The following PPFIA2 variants were observed in gnomAD, a reference collection of about 807,000 sequenced individuals.
PPFIA2 encodes liprin-alpha-2.
A neutral mutation model predicts 175.5 loss-of-function variants in PPFIA2; 46 were observed. The ratio of observed to expected loss-of-function variants is 0.26; its 90% CI spans 0.21 to 0.34. The LOEUF (loss-of-function observed/expected upper bound fraction) is 0.34. Ranked by LOEUF, PPFIA2 falls within the 10% of genes least tolerant of loss-of-function variation. The probability of loss-of-function intolerance (pLI) is 1.00; values close to 1 mark genes in which losing one functional copy is unlikely to be tolerated. For synonymous variants in PPFIA2, 568 were observed against 511.4 expected (o/e 1.11, Z -1.49); for missense variants, 1,179 against 1,506.1 (o/e 0.78, Z 3.60).
chr12:81,753,902 A>G (rs1597240309), intron 3 of PPFIA2, 71 bp downstream of exon 3: 1 of 1,546,080 alleles, frequency 6.5e-7, no homozygotes, highest in Admixed American at 1.8e-5. Context: ...TAACATTAAG[A>G]ATGGGAGTAA....
chr12:81,369,350 G>T, intron 11 of PPFIA2, 156 bp from the exon 12 acceptor site: 1 of 1,482,046 alleles, frequency 6.7e-7, no homozygotes, highest in Non-Finnish European at 9.0e-7. Context: ...GAACAGCATT[G>T]CTTGAAATGT....
intron 4 of PPFIA2, among the ~76,000 whole-genome samples, chr12:81,553,615 C>A (rs1306284728): frequency 6.6e-6 from 1 of 151,964 alleles, no homozygotes; most frequent in South Asian, 2.1e-4. Flanking sequence ...CAAGACTCTG[C>A]GGAAGAGAGG....
At chr12:81,739,590 TGGTC>T (rs929042454) in intron 3 of PPFIA2, among the ~76,000 whole-genome samples, 3 of 151,994 alleles carry the variant, frequency 2.0e-5, no homozygotes, top group Admixed American at 6.6e-5. Context: ...TAAAAAAACT[TGGTC>T]AATTAATCTA....
At chr12:81,313,756 A>G (rs2051573157) in intron 22 of PPFIA2, among the ~76,000 whole-genome samples, 1 of 152,116 alleles carries the variant, frequency 6.6e-6, no homozygotes, top group East Asian at 1.9e-4. Context: ...GGGACTAGTT[A>G]TCACCATGGA....
intron 4 of PPFIA2, among the ~76,000 whole-genome samples, chr12:81,513,672 T>A (rs970232185): frequency 1.3e-5 from 2 of 152,136 alleles, no homozygotes; most frequent in African/African-American, 4.8e-5. Context: ...GTGTAACAGT[T>A]TACTTTTATT....
chr12:81,347,516 T>C lies in PPFIA2; in HGVS notation c.2232+17A>G. ...ATCTTAACAGGAGGCAAAGGTTCTC[T>C]GGACACATCACCATACCAGTGTCAT... On this transcript the variant is annotated intron_variant, in intron 18 of 32. Transcript: ENST00000549396. 6.4e-7 allele frequency: 1 copy of C among 1,569,868 alleles called. No homozygotes were observed. Among genetic ancestry groups the C allele is most frequent in the Non-Finnish European group, 8.8e-7 (1 of 1,139,932 alleles).
At chr12:81,392,774 C>T (rs1417960145) in intron 8 of PPFIA2, among the ~76,000 whole-genome samples, 2 of 151,946 alleles carry the variant, frequency 1.3e-5, no homozygotes, top group Non-Finnish European at 2.9e-5. Context: ...TCAGAACGTG[C>T]TTCTCCCCCA....
intron 7 of PPFIA2, among the ~76,000 whole-genome samples, chr12:81,425,122 G>C (rs1315379487): frequency 6.6e-6 from 1 of 152,090 alleles, no homozygotes; most frequent in Admixed American, 6.6e-5. Flanking sequence ...CTGTTTTAAA[G>C]GTGATTAGAT....
At chr12:81,676,758 C>T in intron 4 of PPFIA2, 33 bp downstream of exon 4, 2 of 1,487,216 alleles carry the variant, frequency 1.3e-6, no homozygotes, top group Non-Finnish European at 1.8e-6. Context: ...TTCAATTCAT[C>T]AATAGTTAAA....
At chr12:81,456,720 T>C (rs1165935537) in intron 5 of PPFIA2, among the ~76,000 whole-genome samples, 10 of 152,152 alleles carry the variant, frequency 6.6e-5, no homozygotes, top group Non-Finnish European at 1.5e-4. Context: ...ATGTGGTAAT[T>C]TACATGTTTA....
intron 7 of PPFIA2, among the ~76,000 whole-genome samples, chr12:81,407,061 A>G (rs753846905): frequency 6.6e-6 from 1 of 152,208 alleles, no homozygotes; most frequent in Non-Finnish European, 1.5e-5. Context: ...TTTCTCTCGT[A>G]TAACTGTAAA....
intron 3 of PPFIA2, among the ~76,000 whole-genome samples, chr12:81,729,796 G>T (rs1262983905): frequency 6.6e-6 from 1 of 151,442 alleles, no homozygotes; most frequent in African/African-American, 2.4e-5. Flanking sequence ...GACCATTGTT[G>T]GTTTGAAGAC....
chr12:81,559,025 G>C (rs2069411826), intron 4 of PPFIA2, among the ~76,000 whole-genome samples: 2 of 152,108 alleles, frequency 1.3e-5, no homozygotes, highest in African/African-American at 4.8e-5. Flanking sequence ...ATTCATTTCA[G>C]AGTTAATAGC....
chr12:81,733,750 T>C (rs2081225957), intron 3 of PPFIA2, among the ~76,000 whole-genome samples: 1 of 151,800 alleles, frequency 6.6e-6, no homozygotes, highest in South Asian at 2.1e-4. Context: ...ATCATTGTCA[T>C]ATTTCTATCA....
intron 3 of PPFIA2, among the ~76,000 whole-genome samples, chr12:81,703,958 C>T (rs1326472669): frequency 6.6e-6 from 1 of 152,090 alleles, no homozygotes; most frequent in Non-Finnish European, 1.5e-5. Context: ...TATTCTATTC[C>T]TCAACCATTT....
chr12:81,483,180 A>G (rs557024162), intron 4 of PPFIA2, among the ~76,000 whole-genome samples: 54 of 152,306 alleles, frequency 3.5e-4, no homozygotes, highest in Admixed American at 2.0e-3. Flanking sequence ...GAGTTACCAT[A>G]TAACCTAGCA....
At chr12:81,632,909 T>C (rs2063559174) in intron 4 of PPFIA2, among the ~76,000 whole-genome samples, 1 of 152,042 alleles carries the variant, frequency 6.6e-6, no homozygotes, top group Non-Finnish European at 1.5e-5. Flanking sequence ...GGCTCTAGTG[T>C]AGTTCTCCAT....
intron 4 of PPFIA2, among the ~76,000 whole-genome samples, chr12:81,656,698 T>C (rs950198004): frequency 6.6e-6 from 1 of 151,842 alleles, no homozygotes; most frequent in Non-Finnish European, 1.5e-5. Context: ...TATAAGAATA[T>C]CCAGAGAATT....
At chr12:81,733,429 C>T (rs1358977437) in intron 3 of PPFIA2, among the ~76,000 whole-genome samples, 2 of 151,498 alleles carry the variant, frequency 1.3e-5, no homozygotes, top group East Asian at 2.0e-4. Flanking sequence ...CTGTATTGTG[C>T]ACTTAAAATT....
Sources: gnomAD v4.1 joint callset for allele counts (sites outside exome capture counted in the v4.1 genomes callset) on GRCh38, gnomAD v4.1.1 for gene constraint, MANE v1.5 for transcripts, NCBI Gene and HGNC (gene_info 2026-07-23, HGNC 2026-07-21) for gene names.